The following ZFYVE28 variants were observed in gnomAD, a reference collection of about 807,000 sequenced individuals.
ZFYVE28 encodes zinc finger FYVE-type containing 28.
In ZFYVE28, 40 loss-of-function variants were observed where a neutral mutation model predicts 82.1. The ratio of observed to expected loss-of-function variants is 0.49; its 90% CI spans 0.38 to 0.63. The LOEUF (loss-of-function observed/expected upper bound fraction) is 0.63, where lower values mean the gene tolerates loss of function less well. ZFYVE28 is among the 30% of genes least tolerant of loss of function. The pLI is 0.00. For synonymous variants in ZFYVE28, 612 were observed against 546.1 expected, an observed-to-expected ratio of 1.12 and a Z score of -1.68; for missense variants, 1,321 against 1,242.1, an observed-to-expected ratio of 1.06 and a Z score of -0.96.
chr4:2,407,745 C>T (rs780582771), intron 1 of ZFYVE28, among the ~76,000 whole-genome samples: 9 of 152,148 alleles, frequency 5.9e-5, no homozygotes, highest in African/African-American at 1.4e-4. Flanking sequence ...CGCACCACCA[C>T]GCCCAGCTAA....
intron 1 of ZFYVE28, among the ~76,000 whole-genome samples, chr4:2,412,722 CACTT>C (rs752566560): frequency 6.6e-6 from 1 of 152,210 alleles, no homozygotes; most frequent in Non-Finnish European, 1.5e-5. Flanking sequence ...CCCTGGCTGT[CACTT>C]ACCAGCTCTC....
chr4:2,288,921 G>A (rs1377552489), intron 8 of ZFYVE28, among the ~76,000 whole-genome samples: 1 of 152,190 alleles, frequency 6.6e-6, no homozygotes, highest in African/African-American at 2.4e-5. Context: ...AGCCATGATT[G>A]CACCACTGCA....
At chr4:2,354,210 G>T in intron 1 of ZFYVE28, 137 bp from the exon 2 acceptor site, 1 of 997,992 alleles carries the variant, frequency 1.0e-6, no homozygotes, top group Non-Finnish European at 1.4e-6. Flanking sequence ...TCTTTTATCA[G>T]CTTTCCACAC....
chr4:2,324,231 C>T (rs374108414), intron 6 of ZFYVE28, among the ~76,000 whole-genome samples: 3 of 152,170 alleles, frequency 2.0e-5, no homozygotes, highest in Non-Finnish European at 2.9e-5. Context: ...CCCTTACTTG[C>T]GGATCTCAGT....
intron 8 of ZFYVE28, among the ~76,000 whole-genome samples, chr4:2,296,705 TGAGGGG>T (rs1390168445): frequency 6.6e-6 from 1 of 151,868 alleles, no homozygotes; most frequent in Non-Finnish European, 1.5e-5. Flanking sequence ...AGCCTCCCAG[TGAGGGG>T]GAGGGGAGGC....
At chr4:2,297,418 G>A (rs1714756876) in intron 8 of ZFYVE28, among the ~76,000 whole-genome samples, 1 of 152,232 alleles carries the variant, frequency 6.6e-6, no homozygotes, top group Non-Finnish European at 1.5e-5. Flanking sequence ...ATGACCCCAG[G>A]CCACACGGAG....
Position 2,405,453 on chromosome 4 carries a change from G to A in ZFYVE28, c.39+12832C>T, listed in dbSNP as rs117398050. Among the ~76,000 whole-genome samples, 239 of 152,368 alleles carry A rather than the reference G, an allele frequency of 1.6e-3. 1 individual carries two copies. Among genetic ancestry groups the A allele is most frequent in the African/African-American group, 5.3e-3 (222 of 41,594 alleles). On this transcript the variant is annotated intron_variant, in intron 1 of 12. Transcript: ENST00000290974. ...CTGCAGATCGACTGTGCTGATGGTC[G>A]ACTGATGGGTGCGCTGAGCAGACTT...
At chr4:2,299,499 A>G (rs897774316) in intron 8 of ZFYVE28, among the ~76,000 whole-genome samples, 5 of 147,908 alleles carry the variant, frequency 3.4e-5, no homozygotes, top group Admixed American at 1.4e-4. Flanking sequence ...CACACCTGTA[A>G]TCTCAGCACC....
At position 2,320,771 on chromosome 4, in the gene ZFYVE28, G is replaced by A. The variant is rs980748707; in HGVS notation, c.702-500C>T. Among the ~76,000 whole-genome samples the A allele has an allele frequency of 6.6e-6, 1 of 152,036 alleles. No individual in the cohort carries two copies. The highest frequency in any genetic ancestry group is 1.5e-5 in the Non-Finnish European group (1 of 68,014). Reference sequence around the variant, plus strand: ...GCCTGGCCAACGCTCCACAAGCCACGAGACCAAAGCAGCCTCCCCTCATCC... The same window carrying A: ...GCCTGGCCAACGCTCCACAAGCCACAAGACCAAAGCAGCCTCCCCTCATCC... On this transcript the variant is annotated intron_variant, in intron 6 of 12. Coordinates refer to ENST00000290974, the MANE Select transcript of ZFYVE28 (RefSeq NM_020972.3). The surrounding 1 kb of genome is among the most constrained non-coding windows in gnomAD (Gnocchi z 5.1).
rs1424417183 is a variant in ZFYVE28, at chr4:2,367,395, C to CAGCCCCTG, written c.40-13323_40-13322insCAGGGGCT. 3.9e-5 allele frequency among the ~76,000 whole-genome samples: 6 copies of CAGCCCCTG among 152,352 alleles called. No individual in the cohort carries two copies. The East Asian group carries it at 1.2e-3, about 29-fold the overall frequency. ...GCCCCCCGTTGCAGGGGCTGAGCCT[C>CAGCCCCTG]AGGCTCTGCCTGGCTGAGGGCAGCT... On this transcript the variant is annotated intron_variant, in intron 1 of 12. Coordinates refer to ENST00000290974, the MANE Select transcript of ZFYVE28 (RefSeq NM_020972.3).
chr4:2,399,079 C>CTG (rs1730853407), intron 1 of ZFYVE28, among the ~76,000 whole-genome samples: 1 of 73,250 alleles, frequency 1.4e-5, no homozygotes, highest in African/African-American at 5.3e-5. Context: ...AGGGCACAAG[C>CTG]GTGAAGGTGA....
intron 7 of ZFYVE28, among the ~76,000 whole-genome samples, chr4:2,313,903 C>T (rs61789437): frequency 0.28 from 41,377 of 150,166 alleles, 6,415 homozygotes; most frequent in Middle Eastern, 0.39. Context: ...ATGTAACTTA[C>T]ACATGTAAGT....
intron 1 of ZFYVE28, among the ~76,000 whole-genome samples, chr4:2,378,374 T>C (rs1728385727): frequency 6.6e-6 from 1 of 152,224 alleles, no homozygotes; most frequent in Non-Finnish European, 1.5e-5. Flanking sequence ...TCATAACTTA[T>C]GGGACCACCA....
chr4:2,274,881 G>C (rs1438494152), intron 8 of ZFYVE28, among the ~76,000 whole-genome samples: 1 of 135,504 alleles, frequency 7.4e-6, no homozygotes, highest in Non-Finnish European at 1.5e-5. Flanking sequence ...GGAGAGGCGA[G>C]AGGAGCCTGC....
chr4:2,411,783 C>T (rs1460903442), intron 1 of ZFYVE28, among the ~76,000 whole-genome samples: 2 of 152,198 alleles, frequency 1.3e-5, no homozygotes, highest in Non-Finnish European at 2.9e-5. Context: ...AGAAGCTCAT[C>T]CCCTCACATC....
At position 2,405,437 on chromosome 4, in the gene ZFYVE28, G is replaced by A. The variant is rs182703275; in HGVS notation, c.39+12848C>T. On this transcript the variant is annotated intron_variant, in intron 1 of 12. Coordinates refer to ENST00000290974, the MANE Select transcript of ZFYVE28 (RefSeq NM_020972.3). ...CAGACGCTGTGGGAGGCTGCAGATC[G>A]ACTGTGCTGATGGTCGACTGATGGG... 2.0e-3 allele frequency among the ~76,000 whole-genome samples: 312 copies of A among 152,384 alleles called. 1 individual carries two copies. Among genetic ancestry groups the A allele is most frequent in the African/African-American group, 6.8e-3 (283 of 41,594 alleles).
At chr4:2,330,796 T>C in intron 6 of ZFYVE28, 1 of 1,524,838 alleles carries the variant, frequency 6.6e-7, no homozygotes, top group Non-Finnish European at 8.7e-7. Flanking sequence ...AAGGGGACCC[T>C]GAGCGAAGGG....
chr4:2,353,299 C>T (rs1231757796), intron 2 of ZFYVE28, among the ~76,000 whole-genome samples: 4 of 152,234 alleles, frequency 2.6e-5, no homozygotes, highest in Non-Finnish European at 4.4e-5. Flanking sequence ...TAGACTCCCC[C>T]CTGTTGGAGG....
At chr4:2,283,568 G>A (rs1024850376) in intron 8 of ZFYVE28, among the ~76,000 whole-genome samples, 19 of 122,964 alleles carry the variant, frequency 1.5e-4, no homozygotes, top group African/African-American at 4.9e-4. Flanking sequence ...CCATCCAACC[G>A]TCCATCCACC....
Sources: allele counts gnomAD v4.1 joint callset (sites outside exome capture counted in the v4.1 genomes callset), GRCh38; gene constraint gnomAD v4.1.1; non-coding constraint Gnocchi (gnomAD v3.1); transcripts MANE v1.5; gene names NCBI Gene and HGNC (gene_info 2026-07-23, HGNC 2026-07-21).